The following TRHDE variants were observed in gnomAD, a reference collection of about 807,000 sequenced individuals.
TRHDE encodes the protein thyrotropin releasing hormone degrading enzyme, also known as thyrotropin-releasing hormone-degrading ectoenzyme.
A neutral mutation model predicts 125.7 loss-of-function variants in TRHDE; 72 were observed. The observed-to-expected ratio is 0.57, with a 90% CI of 0.47 to 0.70. The LOEUF (loss-of-function observed/expected upper bound fraction) is 0.70, where lower values mean the gene tolerates loss of function less well. Ranked by LOEUF, TRHDE falls within the 30% of genes least tolerant of loss-of-function variation. The pLI, the probability that TRHDE is intolerant of heterozygous loss-of-function variation, is 0.00. For missense variants in TRHDE, 1,110 were observed against 1,327.1 expected, an observed-to-expected ratio of 0.84 and a Z score of 2.54; for synonymous variants, 509 against 509.1, an observed-to-expected ratio of 1.00 and a Z score of 0.00.
chr12:72,310,376 G>A (rs868278617), intron 2 of TRHDE, among the ~76,000 whole-genome samples: 19 of 152,326 alleles, frequency 1.2e-4, no homozygotes, highest in Admixed American at 4.6e-4. Flanking sequence ...TGGGCAAGCC[G>A]TTCAACCATT....
chr12:72,516,901 A>T (rs1211843728), intron 6 of TRHDE, among the ~76,000 whole-genome samples: 1 of 152,026 alleles, frequency 6.6e-6, no homozygotes, highest in Non-Finnish European at 1.5e-5. Context: ...TATTGAGATA[A>T]TCATGTGGTT....
At chr12:72,535,452 A>G (rs1868807232) in intron 6 of TRHDE, among the ~76,000 whole-genome samples, 1 of 152,106 alleles carries the variant, frequency 6.6e-6, no homozygotes, top group Admixed American at 6.6e-5. Flanking sequence ...TCAGGAAGTA[A>G]TAAATCATAG....
chr12:72,354,034 T>A (rs566429127), intron 2 of TRHDE, among the ~76,000 whole-genome samples: 1 of 151,764 alleles, frequency 6.6e-6, no homozygotes, highest in East Asian at 2.0e-4. Flanking sequence ...ACCATAGGTG[T>A]CCTTTTCTAG....
chr12:72,420,374 T>C (rs976576121), intron 3 of TRHDE, among the ~76,000 whole-genome samples: 1 of 152,176 alleles, frequency 6.6e-6, no homozygotes, highest in Non-Finnish European at 1.5e-5. Flanking sequence ...GAGGAAACAA[T>C]CTTGGGACAG....
intron 12 of TRHDE, among the ~76,000 whole-genome samples, chr12:72,596,584 G>A (rs185563136): frequency 2.0e-4 from 31 of 152,242 alleles, no homozygotes; most frequent in Middle Eastern, 3.4e-3. Context: ...ATATAACCAA[G>A]GAAGGCATGG....
chr12:72,601,088 T>A (rs1160037115), intron 12 of TRHDE, among the ~76,000 whole-genome samples: 1 of 152,128 alleles, frequency 6.6e-6, no homozygotes, highest in African/African-American at 2.4e-5. Flanking sequence ...AGAAGATTCA[T>A]CATTCCAGAT....
chr12:72,207,766 A>G (rs1037922220), intron 2 of TRHDE, among the ~76,000 whole-genome samples: 2 of 152,218 alleles, frequency 1.3e-5, no homozygotes, highest in South Asian at 2.1e-4. Context: ...ATGAAGCCAC[A>G]TTAACATTAA....
intron 15 of TRHDE, among the ~76,000 whole-genome samples, chr12:72,627,826 C>T (rs557849055): frequency 4.6e-5 from 7 of 151,226 alleles, no homozygotes; most frequent in African/African-American, 1.7e-4. Flanking sequence ...GCCTACAGCC[C>T]CACACCACCA....
intron 2 of TRHDE, among the ~76,000 whole-genome samples, chr12:72,113,479 A>G (rs1343869982): frequency 6.6e-6 from 1 of 151,884 alleles, no homozygotes; most frequent in Non-Finnish European, 1.5e-5. Context: ...ACGTAGTTTT[A>G]TAGAGATGGA....
Position 72,273,807 on chromosome 12 carries a change from G to C in TRHDE, c.914+250G>C. ...ATGAATGCTGCCCCCTCCTCTAGTC[G>C]GGACCTCTCCTCTTCCTGTCAGAGT... On this transcript the variant is annotated intron_variant, in intron 1 of 18. Coordinates refer to ENST00000261180, the MANE Select transcript of TRHDE (RefSeq NM_013381.3). The surrounding 1 kb of genome is among the most constrained non-coding windows in gnomAD (Gnocchi z 5.3). The C allele has an allele frequency of 4.1e-6, 2 of 482,448 alleles. No homozygotes were observed. The highest frequency in any genetic ancestry group is 7.4e-6 in the Non-Finnish European group (2 of 269,856). The allele number at this position is 482,448 out of a possible 1,614,324, so 29.9% of individuals were successfully genotyped here.
At chr12:72,321,838 G>T (rs1392820739) in intron 2 of TRHDE, among the ~76,000 whole-genome samples, 2 of 151,840 alleles carry the variant, frequency 1.3e-5, no homozygotes, top group African/African-American at 4.8e-5. Flanking sequence ...GGTGCTCTCT[G>T]CCTAGTTGTG....
intron 13 of TRHDE, 146 bp downstream of exon 13, chr12:72,619,184 C>T: frequency 5.7e-6 from 3 of 530,532 alleles, no homozygotes; most frequent in Middle Eastern, 5.5e-4. Context: ...ATTGTCTATG[C>T]AACACAGATG....
At chr12:72,178,560 T>C (rs1179787936) in intron 2 of TRHDE, among the ~76,000 whole-genome samples, 1 of 152,092 alleles carries the variant, frequency 6.6e-6, no homozygotes, top group African/African-American at 2.4e-5. Flanking sequence ...TACTGTAGCC[T>C]GTGTGTTTGA....
chr12:72,429,214 G>A (rs1432599440), intron 3 of TRHDE, among the ~76,000 whole-genome samples: 3 of 151,890 alleles, frequency 2.0e-5, no homozygotes, highest in Non-Finnish European at 2.9e-5. Context: ...GGAAAGGAGA[G>A]GGATAGCATT....
intron 1 of TRHDE, chr12:72,105,613 A>C (rs1338607955): frequency 6.6e-6 from 1 of 152,180 alleles, no homozygotes; most frequent in Non-Finnish European, 1.5e-5. Context: ...AGTCCTTACA[A>C]TAAGTCCATA....
chr12:72,576,722 T>C (rs1871012881), intron 12 of TRHDE, among the ~76,000 whole-genome samples: 1 of 152,178 alleles, frequency 6.6e-6, no homozygotes, highest in Admixed American at 6.6e-5. Flanking sequence ...ACATTGCTAA[T>C]ATTTTTCTTA....
intron 2 of TRHDE, among the ~76,000 whole-genome samples, chr12:72,124,408 G>A (rs1566231397): frequency 6.6e-6 from 1 of 152,234 alleles, no homozygotes; most frequent in African/African-American, 2.4e-5. Context: ...CATCCAATTT[G>A]TTAGAAGGTG....
chr12:72,568,702 T>C, intron 10 of TRHDE, 46 bp downstream of exon 10: 1 of 1,376,140 alleles, frequency 7.3e-7, no homozygotes, highest in Non-Finnish European at 1.0e-6. Flanking sequence ...TTTCAGATAA[T>C]TGTTTAGCAA....
intron 2 of TRHDE, among the ~76,000 whole-genome samples, chr12:72,296,805 C>T (rs1051095996): frequency 2.6e-5 from 4 of 151,990 alleles, no homozygotes; most frequent in African/African-American, 9.7e-5. Context: ...GTGGTAGGAG[C>T]AGAGCCAATA....
Sources: allele counts gnomAD v4.1 joint callset (sites outside exome capture counted in the v4.1 genomes callset), GRCh38; gene constraint gnomAD v4.1.1; non-coding constraint Gnocchi (gnomAD v3.1); transcripts MANE v1.5; gene names NCBI Gene and HGNC (gene_info 2026-07-23, HGNC 2026-07-21).